Variants in CACNA2D3 observed in about 807,000 individuals in gnomAD.
CACNA2D3 encodes the protein voltage-dependent calcium channel subunit alpha-2/delta-3.
In CACNA2D3, 60 loss-of-function variants were observed where a neutral mutation model predicts 160.6. The ratio of observed to expected loss-of-function variants is 0.37; its 90% confidence interval spans 0.30 to 0.46. The LOEUF (loss-of-function observed/expected upper bound fraction) is 0.46, where lower values mean the gene tolerates loss of function less well. Ranked by LOEUF, CACNA2D3 falls within the 20% of genes least tolerant of loss-of-function variation. The pLI, the probability that CACNA2D3 is intolerant of heterozygous loss-of-function variation, is 1.00. For missense variants in CACNA2D3, 1,205 were observed against 1,365.0 expected (o/e 0.88, Z 1.85); for synonymous variants, 558 against 492.9 (o/e 1.13, Z -1.75).
chr3:54,801,148 G>T (rs1702977575), intron 13 of CACNA2D3, among the ~76,000 whole-genome samples: 1 of 152,058 alleles, frequency 6.6e-6, no homozygotes, highest in South Asian at 2.1e-4. Context: ...CACCACGCCT[G>T]GCTAATTTTT....
chr3:54,472,665 G>A (rs890266048), intron 4 of CACNA2D3, among the ~76,000 whole-genome samples: 2 of 152,154 alleles, frequency 1.3e-5, no homozygotes, highest in African/African-American at 4.8e-5. Context: ...ATCTCCTTAA[G>A]CTGATAAGCA....
intron 13 of CACNA2D3, among the ~76,000 whole-genome samples, chr3:54,811,170 C>T (rs1001741129): frequency 6.6e-6 from 1 of 152,192 alleles, no homozygotes; most frequent in South Asian, 2.1e-4. Context: ...CCTCTGCCTG[C>T]AATCCTAAGA....
At chr3:54,551,318 TC>T (rs1242289630) in intron 5 of CACNA2D3, among the ~76,000 whole-genome samples, 1 of 152,168 alleles carries the variant, frequency 6.6e-6, no homozygotes, top group African/African-American at 2.4e-5. Flanking sequence ...TGTCTCCAAA[TC>T]CTAGCAGGTG....
At chr3:54,699,106 C>T (rs60303224) in intron 11 of CACNA2D3, among the ~76,000 whole-genome samples, 38,171 of 152,074 alleles carry the variant, frequency 0.25, 5,149 homozygotes, top group African/African-American at 0.29. Context: ...AGTCTTAAGA[C>T]GAAAATAAGA....
intron 4 of CACNA2D3, among the ~76,000 whole-genome samples, chr3:54,467,702 T>C (rs1700653431): frequency 6.6e-6 from 1 of 152,058 alleles, no homozygotes; most frequent in Non-Finnish European, 1.5e-5. Context: ...AGAGGGAGAA[T>C]AGTGGTTACC....
At chr3:54,821,715 TCC>T in intron 14 of CACNA2D3, among the ~76,000 whole-genome samples, 1 of 138,442 alleles carries the variant, frequency 7.2e-6, no homozygotes, top group South Asian at 2.4e-4. Context: ...CTTCCTTCTT[TCC>T]TCTCTCTCTC....
chr3:54,595,617 G>C (rs9853840), intron 9 of CACNA2D3, among the ~76,000 whole-genome samples: 151,724 of 152,266 alleles, frequency 1, 75,601 homozygotes, highest in Middle Eastern at 1. Flanking sequence ...GCACCCATGC[G>C]TCACCTGAGC....
chr3:54,904,916 G>GGGA (rs1700419730), intron 27 of CACNA2D3, among the ~76,000 whole-genome samples: 2 of 152,206 alleles, frequency 1.3e-5, no homozygotes, highest in Non-Finnish European at 2.9e-5. Flanking sequence ...AAATTGTTTT[G>GGGA]TGTCCCATCC....
At chr3:54,798,286 G>A (rs547174952) in intron 13 of CACNA2D3, among the ~76,000 whole-genome samples, 1 of 152,222 alleles carries the variant, frequency 6.6e-6, no homozygotes, top group Non-Finnish European at 1.5e-5. Flanking sequence ...TGTAATCCCA[G>A]CACTTTGGGA....
chr3:54,503,893 T>C (rs1237878680), intron 5 of CACNA2D3, among the ~76,000 whole-genome samples: 1 of 152,184 alleles, frequency 6.6e-6, no homozygotes, highest in African/African-American at 2.4e-5. Flanking sequence ...ACATGTAGAA[T>C]AGGGGTTGGC....
intron 27 of CACNA2D3, among the ~76,000 whole-genome samples, chr3:54,933,106 T>C (rs950174795): frequency 9.7e-6 from 1 of 102,780 alleles, no homozygotes; most frequent in African/African-American, 3.6e-5. Flanking sequence ...CCTTCCTTCC[T>C]TCCTTCCTTC....
intron 11 of CACNA2D3, among the ~76,000 whole-genome samples, chr3:54,738,298 C>T (rs1034888879): frequency 6.6e-6 from 1 of 152,132 alleles, no homozygotes; most frequent in African/African-American, 2.4e-5. Context: ...GTGACATGTC[C>T]TCAAACTTAC....
chr3:54,769,758 A>G (rs1702285169), intron 13 of CACNA2D3, among the ~76,000 whole-genome samples: 2 of 152,228 alleles, frequency 1.3e-5, no homozygotes, highest in Non-Finnish European at 2.9e-5. Flanking sequence ...TGGGTCTCAC[A>G]TAGTAGCTAC....
At chr3:54,582,679 C>G (rs1358167213) in intron 9 of CACNA2D3, among the ~76,000 whole-genome samples, 1 of 152,186 alleles carries the variant, frequency 6.6e-6, no homozygotes, top group African/African-American at 2.4e-5. Flanking sequence ...CTGCTCTTCC[C>G]CTGGAGAGCA....
chr3:54,798,883 C>A (rs772848280), intron 13 of CACNA2D3, among the ~76,000 whole-genome samples: 2 of 152,224 alleles, frequency 1.3e-5, no homozygotes, highest in African/African-American at 4.8e-5. Flanking sequence ...CACCCCAGAC[C>A]TGAGCCTTTT....
At chr3:54,236,495 A>G (rs1701879217) in intron 2 of CACNA2D3, among the ~76,000 whole-genome samples, 1 of 152,212 alleles carries the variant, frequency 6.6e-6, no homozygotes, top group African/African-American at 2.4e-5. Flanking sequence ...ATACTGAAGT[A>G]AACTCTGGAA....
chr3:54,456,483 C>A (rs1184983184), intron 4 of CACNA2D3, among the ~76,000 whole-genome samples: 10 of 151,704 alleles, frequency 6.6e-5, no homozygotes, highest in African/African-American at 2.4e-4. Flanking sequence ...GGTTGTTTTT[C>A]TATATATAAG....
At chr3:54,980,071 G>T (rs1274742326) in intron 29 of CACNA2D3, among the ~76,000 whole-genome samples, 9 of 152,106 alleles carry the variant, frequency 5.9e-5, no homozygotes. Context: ...GCCAAACACT[G>T]TTTCACATTT....
intron 11 of CACNA2D3, among the ~76,000 whole-genome samples, chr3:54,698,481 C>T (rs918183800): frequency 7.9e-5 from 12 of 152,120 alleles, no homozygotes; most frequent in African/African-American, 2.4e-4. Context: ...AAACATAAGG[C>T]GTGTTTAATA....
Sources: gnomAD v4.1 joint callset for allele counts (sites outside exome capture counted in the v4.1 genomes callset) on GRCh38, gnomAD v4.1.1 for gene constraint, MANE v1.5 for transcripts, NCBI Gene and HGNC (gene_info 2026-07-23, HGNC 2026-07-21) for gene names.